The following ANKRD11 variants were observed in gnomAD, a reference collection of about 807,000 sequenced individuals.
The protein encoded by ANKRD11 is ankyrin repeat domain 11, also known as ankyrin repeat domain-containing protein 11.
In ANKRD11, 17 loss-of-function variants were observed where a neutral mutation model predicts 195.7. That is an observed-to-expected ratio of 0.09 (90% CI 0.06 to 0.13). The LOEUF (loss-of-function observed/expected upper bound fraction) is 0.13, where lower values mean the gene tolerates loss of function less well. Among genes scored for constraint, ANKRD11 ranks in the 10% least tolerant of loss-of-function variants. ANKRD11 has a pLI of 1.00. For missense variants in ANKRD11, 3,735 were observed against 3,566.1 expected, an observed-to-expected ratio of 1.05 and a Z score of -1.21; for synonymous variants, 1,953 against 1,528.1, an observed-to-expected ratio of 1.28 and a Z score of -6.49.
chr16:89,285,586 G>C lies in ANKRD11; in HGVS notation c.956C>G (p.Thr319Arg). ...APSSSVDGNN[T>R]DSEFEKGLKH... ...GAGGCCTTTTTCGAACTCGGAGTCCGTGTTGTTGCCGTCGACTGAACTGGA... is the reference window on the plus strand; with the variant it reads ...GAGGCCTTTTTCGAACTCGGAGTCCCTGTTGTTGCCGTCGACTGAACTGGA... Residue 319 changes from threonine to arginine, a missense_variant, in exon 9 of 13, where the codon ACG becomes AGG. Transcript: ENST00000301030. The surrounding 1 kb of genome is among the most constrained non-coding windows in gnomAD (Gnocchi z 5.6). The C allele has an allele frequency of 6.2e-7, 1 of 1,614,164 alleles. No homozygotes were observed. The highest frequency in any genetic ancestry group is 8.5e-7 in the Non-Finnish European group (1 of 1,180,036).
chr16:89,280,342 C>T lies in ANKRD11; in HGVS notation c.6200G>A (p.Ser2067Asn), dbSNP rs1342167070. Reference protein sequence around the residue: ...APPSGLESFFSNCKSLPEAPL... With the variant: ...APPSGLESFFNNCKSLPEAPL... ...GGCTTCCGGAAGTGACTTGCAGTTG[C>T]TGAAGAAGGACTCCAGCCCGGAGGG... The change falls in exon 9 of 13, where the codon AGC becomes AAC. Residue 2067 changes from serine (S) to asparagine (N), a missense_variant. Ser to Asn is a conservative substitution (Grantham distance 46). Transcript: ENST00000301030. 4 of 1,577,332 alleles carry T rather than the reference C, an allele frequency of 2.5e-6. No individual in the cohort carries two copies. The highest frequency in any genetic ancestry group is 3.4e-6 in the Non-Finnish European group (4 of 1,161,858).
chr16:89,406,185 T>C (rs886913179), intron 2 of ANKRD11, among the ~76,000 whole-genome samples: 1 of 151,942 alleles, frequency 6.6e-6, no homozygotes, highest in African/African-American at 2.4e-5. Flanking sequence ...TTGTTTTCTA[T>C]TTCTTAATAA....
At position 89,288,082 on chromosome 16, in the gene ANKRD11, A is replaced by G. The variant is rs1407985328; in HGVS notation, c.744+446T>C. ...GCCCACTGCTCCTGGGCCGGCCACA[A>G]TGGCCACTTTCTAAAGCTTGAGTCT... is the stretch of plus-strand genomic sequence containing the variant. On this transcript the variant is annotated intron_variant, in intron 7 of 12. Transcript: ENST00000301030. 7.0e-6 allele frequency: 4 copies of G among 568,318 alleles called. No individual in the cohort carries two copies. In the African/African-American group the frequency reaches 7.5e-5, roughly 11 times the overall value. The allele number at this position is 568,318 out of a possible 1,614,324, so 35.2% of individuals were successfully genotyped here.
chr16:89,483,724 A>G (rs1046418350), intron 1 of ANKRD11, among the ~76,000 whole-genome samples: 5 of 152,128 alleles, frequency 3.3e-5, no homozygotes, highest in Non-Finnish European at 5.9e-5. Context: ...GCTACTCGGG[A>G]AGATGAGGTA....
intron 2 of ANKRD11, among the ~76,000 whole-genome samples, chr16:89,328,473 G>C (rs1235571145): frequency 6.6e-6 from 1 of 152,212 alleles, no homozygotes; most frequent in African/African-American, 2.4e-5. Flanking sequence ...CTCGAAACTG[G>C]GTTTCATTCA....
intron 2 of ANKRD11, among the ~76,000 whole-genome samples, chr16:89,342,800 CATT>C (rs2038753037): frequency 6.6e-6 from 1 of 152,128 alleles, no homozygotes. Flanking sequence ...ACATGAAAAA[CATT>C]ATTACAGAAT....
intron 2 of ANKRD11, among the ~76,000 whole-genome samples, chr16:89,356,327 GC>G: frequency 6.6e-6 from 1 of 150,840 alleles, no homozygotes; most frequent in East Asian, 2.0e-4. Context: ...GTTCTCGGTG[GC>G]AAGCCATCCG....
At chr16:89,478,457 AC>A (rs2057333087) in intron 1 of ANKRD11, among the ~76,000 whole-genome samples, 1 of 152,092 alleles carries the variant, frequency 6.6e-6, no homozygotes, top group Non-Finnish European at 1.5e-5. Context: ...ACATCCTCCT[AC>A]AGCCCCCACC....
intron 2 of ANKRD11, chr16:89,323,992 A>C: frequency 8.9e-6 from 2 of 224,820 alleles, no homozygotes; most frequent in South Asian, 5.4e-5. Flanking sequence ...CACAGGTTCA[A>C]ACCAAACCCC....
chr16:89,394,174 G>A (rs1035484338), intron 2 of ANKRD11, among the ~76,000 whole-genome samples: 7 of 151,786 alleles, frequency 4.6e-5, no homozygotes, highest in African/African-American at 7.3e-5. Context: ...TGAGGTCAAC[G>A]GGCAGGTGGC....
chr16:89,413,604 G>A (rs1229762408), intron 2 of ANKRD11, among the ~76,000 whole-genome samples: 1 of 152,136 alleles, frequency 6.6e-6, no homozygotes, highest in Non-Finnish European at 1.5e-5. Context: ...CAGCCTGGGC[G>A]ACAGCCAGAC....
chr16:89,332,466 G>A (rs1400891398), intron 2 of ANKRD11, among the ~76,000 whole-genome samples: 3 of 152,154 alleles, frequency 2.0e-5, no homozygotes, highest in Non-Finnish European at 4.4e-5. Context: ...GCAGCTCTGG[G>A]GAGAAATGAC....
chr16:89,481,513 C>T (rs568858754), intron 1 of ANKRD11, among the ~76,000 whole-genome samples: 5 of 152,292 alleles, frequency 3.3e-5, no homozygotes, highest in African/African-American at 1.2e-4. Flanking sequence ...GATATGGTCA[C>T]GCCACTGCAC....
intron 2 of ANKRD11, among the ~76,000 whole-genome samples, chr16:89,369,217 G>A (rs115024235): frequency 0.03 from 4,586 of 152,290 alleles, 154 homozygotes; most frequent in African/African-American, 0.078. Flanking sequence ...TCTTCAAAGG[G>A]CTGGTCTCCA....
At chr16:89,295,975 A>G (rs984965894) in intron 4 of ANKRD11, among the ~76,000 whole-genome samples, 1 of 71,224 alleles carries the variant, frequency 1.4e-5, no homozygotes, top group African/African-American at 5.5e-5. Context: ...TGTCTTCTCT[A>G]TCTGGCTGCC....
intron 1 of ANKRD11, among the ~76,000 whole-genome samples, chr16:89,427,015 C>G (rs2042744159): frequency 6.6e-6 from 1 of 152,184 alleles, no homozygotes; most frequent in South Asian, 2.1e-4. Context: ...CATGAAGAAC[C>G]ATCTCTTGGT....
At chr16:89,338,495 C>G (rs919419469) in intron 2 of ANKRD11, among the ~76,000 whole-genome samples, 5 of 150,842 alleles carry the variant, frequency 3.3e-5, no homozygotes, top group African/African-American at 4.9e-5. Context: ...TTTGGGAGGC[C>G]GAGGCGGGCA....
chr16:89,483,684 C>T (rs1248529854), intron 1 of ANKRD11, among the ~76,000 whole-genome samples: 1 of 151,964 alleles, frequency 6.6e-6, no homozygotes, highest in Non-Finnish European at 1.5e-5. Context: ...CAAAATTAGC[C>T]AGGAGTGGTG....
chr16:89,489,936 A>C (rs1267714208), intron 1 of ANKRD11, among the ~76,000 whole-genome samples: 4 of 104,824 alleles, frequency 3.8e-5, no homozygotes, highest in African/African-American at 1.1e-4. Context: ...CTTACGGCCG[A>C]CCCAAGCTCC....
Sources: gnomAD v4.1 joint callset for allele counts (sites outside exome capture counted in the v4.1 genomes callset) on GRCh38, gnomAD v4.1.1 for gene constraint, Gnocchi (gnomAD v3.1) non-coding constraint, MANE v1.5 for transcripts, NCBI Gene and HGNC (gene_info 2026-07-23, HGNC 2026-07-21) for gene names.